Variants in TMEM231 observed in about 807,000 individuals in gnomAD.
The protein encoded by TMEM231 is transmembrane protein 231.
TMEM231 carries 40 observed loss-of-function variants against 38.5 expected under a neutral mutation model. That is an observed-to-expected ratio of 1.04 (90% CI 0.81 to 1.35). TMEM231 has a LOEUF of 1.35. TMEM231 is among the 40% of genes most tolerant of loss of function. TMEM231 has a pLI of 0.00. For synonymous variants in TMEM231, 199 were observed against 181.7 expected (o/e 1.10, Z -0.77); for missense variants, 420 against 416.9 (o/e 1.01, Z -0.07).
At position 75,537,757 on chromosome 16, in the gene TMEM231, T is replaced by C. The variant is rs2080575231; in HGVS notation, c.*2237A>G. 1 of 152,242 alleles carries C rather than the reference T, an allele frequency of 6.6e-6. No individual in the cohort carries two copies. Among genetic ancestry groups the C allele is most frequent in the Non-Finnish European group, 1.5e-5 (1 of 68,050 alleles). 9.4% of individuals were successfully genotyped at this position (152,242 alleles called of 1,614,324 possible). On this transcript the variant is annotated 3_prime_UTR_variant, in exon 7 of 7. Transcript: ENST00000258173. ...ACCTCGGCCTCCCAAAGTGCTGGGA[T>C]TACAGGCGTGAGCCACCGCTCCCGG... is the stretch of plus-strand genomic sequence containing the variant.
In TMEM231 at chr16:75,537,146, G is replaced by C. The variant is rs988492921; in HGVS notation, c.*2848C>G. The stretch of plus-strand genomic sequence containing the variant: ...CAAAAAAAAAAAAAAAAAAGAAAAA[G>C]AAAAAGAAAAGAAAAACCACCTACT... On this transcript the variant is annotated 3_prime_UTR_variant, in exon 7 of 7. Coordinates refer to ENST00000258173, the MANE Select transcript of TMEM231 (RefSeq NM_001077418.3). The C allele has an allele frequency of 6.8e-6, 1 of 146,072 alleles. No individual in the cohort carries two copies. Among genetic ancestry groups the C allele is most frequent in the Non-Finnish European group, 1.5e-5 (1 of 66,338 alleles). 9.0% of individuals were successfully genotyped at this position (146,072 alleles called of 1,614,324 possible). A position where few individuals can be genotyped will look rare whatever the true frequency, so the allele number is the denominator to read the frequency against.
chr16:75,552,960 A>AG (rs111623317), intron 2 of TMEM231, among the ~76,000 whole-genome samples: 1 of 152,144 alleles, frequency 6.6e-6, no homozygotes. Context: ...TTGAGGCTTG[A>AG]GGGGGAAAAA....
At position 75,553,445 on chromosome 16, in the gene TMEM231, CCT is replaced by C. The variant is rs974954815; in HGVS notation, c.309+2357_309+2358del. 2.6e-5 allele frequency among the ~76,000 whole-genome samples: 4 copies of C among 151,532 alleles called. No individual in the cohort carries two copies. The East Asian group carries it at 5.9e-4, about 22-fold the overall frequency. ...ACCAGCCTGGCCAACATGGTGAAAC[CCT>C]GTTTCCACTAAAAAACACAAAAAAG... On this transcript the variant is annotated intron_variant, in intron 2 of 6. Transcript: ENST00000258173.
chr16:75,551,819 G>A (rs902319431), intron 2 of TMEM231, among the ~76,000 whole-genome samples: 7 of 151,754 alleles, frequency 4.6e-5, no homozygotes, highest in East Asian at 2.0e-4. Flanking sequence ...AAAATCAGCC[G>A]GCCGTGGTGG....
chr16:75,541,301 G>T (rs1279704316), intron 6 of TMEM231, 49 bp downstream of exon 6: 1 of 1,417,278 alleles, frequency 7.1e-7, no homozygotes, highest in East Asian at 2.5e-5. Context: ...ATTATAGGCA[G>T]GAGCCACCAC....
At chr16:75,546,513 G>A (rs2738796) in intron 2 of TMEM231, among the ~76,000 whole-genome samples, 37,495 of 151,838 alleles carry the variant, frequency 0.25, 4,751 homozygotes, top group Middle Eastern at 0.33. Context: ...CGCAATCACG[G>A]CTCACTACAA....
chr16:75,540,421 G>A (rs1316188372), intron 6 of TMEM231, among the ~76,000 whole-genome samples: 1 of 152,144 alleles, frequency 6.6e-6, no homozygotes, highest in African/African-American at 2.4e-5. Context: ...ATTGATCATG[G>A]ACTAGAGATA....
chr16:75,539,217 C>T lies in TMEM231; in HGVS notation c.*777G>A, dbSNP rs969484808. On this transcript the variant is annotated 3_prime_UTR_variant, in exon 7 of 7. Transcript: ENST00000258173. ...AAAGAACCTGTTGTGACAATGCTTT[C>T]TTCCCCCAGTGCTGCTGAGGGGGCT... The T allele has an allele frequency of 2.6e-5, 4 of 152,208 alleles. 2 individuals are homozygous for T. The highest frequency in any genetic ancestry group is 2.6e-4 in the Admixed American group (4 of 15,292). 9.4% of individuals were successfully genotyped at this position (152,208 alleles called of 1,614,324 possible). A position where few individuals can be genotyped will look rare whatever the true frequency, so the allele number is the denominator to read the frequency against.
At chr16:75,549,893 G>C (rs367598686) in intron 2 of TMEM231, among the ~76,000 whole-genome samples, 3 of 152,118 alleles carry the variant, frequency 2.0e-5, no homozygotes, top group East Asian at 1.9e-4. Context: ...ATTTTTAGTA[G>C]AGATGGGGTT....
intron 2 of TMEM231, among the ~76,000 whole-genome samples, chr16:75,552,489 G>A (rs1387808531): frequency 6.6e-6 from 1 of 152,050 alleles, no homozygotes; most frequent in African/African-American, 2.4e-5. Context: ...ATTCATAAAA[G>A]AAACTAAAAG....
At chr16:75,550,046 G>C (rs2080739800) in intron 2 of TMEM231, among the ~76,000 whole-genome samples, 1 of 152,172 alleles carries the variant, frequency 6.6e-6, no homozygotes, top group Middle Eastern at 3.2e-3. Context: ...AGTCCCATAG[G>C]TATTAGAGGA....
intron 2 of TMEM231, among the ~76,000 whole-genome samples, chr16:75,550,576 G>A (rs984579642): frequency 3.3e-5 from 5 of 152,182 alleles, no homozygotes; most frequent in African/African-American, 1.2e-4. Context: ...GGAATTGCCA[G>A]AAATTCAAGT....
At chr16:75,541,222 C>T (rs1435468553) in intron 6 of TMEM231, 128 bp downstream of exon 6, 4 of 390,814 alleles carry the variant, frequency 1.0e-5, no homozygotes, top group Non-Finnish European at 1.8e-5. Flanking sequence ...GACTCACTAT[C>T]TTGGCCAGGC....
intron 2 of TMEM231, 98 bp downstream of exon 2, chr16:75,555,706 C>A: frequency 3.9e-6 from 5 of 1,289,984 alleles, no homozygotes; most frequent in Non-Finnish European, 5.1e-6. Context: ...CAAAGCTGGG[C>A]TCCCCAGGGC....
intron 5 of TMEM231, 121 bp downstream of exon 5, chr16:75,542,481 G>A (rs1198017630): frequency 1.5e-5 from 14 of 918,996 alleles, no homozygotes; most frequent in Middle Eastern, 2.7e-4. Context: ...TGCTCCCATC[G>A]TTGAGCATTC....
intron 4 of TMEM231, among the ~76,000 whole-genome samples, chr16:75,544,361 C>T (rs1366287715): frequency 1.3e-5 from 2 of 152,162 alleles, no homozygotes; most frequent in African/African-American, 4.8e-5. Flanking sequence ...GAACAGGGAC[C>T]TGAATGGCAT....
At chr16:75,553,751 G>A (rs377613216) in intron 2 of TMEM231, among the ~76,000 whole-genome samples, 7 of 151,788 alleles carry the variant, frequency 4.6e-5, no homozygotes, top group East Asian at 3.9e-4. Flanking sequence ...TTGAACTCCT[G>A]GGCTCAAGCA....
intron 2 of TMEM231, among the ~76,000 whole-genome samples, chr16:75,547,233 A>G (rs1452710895): frequency 6.6e-6 from 1 of 152,162 alleles, no homozygotes. Flanking sequence ...CCATCTATGG[A>G]TTCATTTTGA....
Position 75,536,741 on chromosome 16 carries a change from T to C in TMEM231, c.*3253A>G, listed in dbSNP as rs372983585. ...TCTTAAGGAAATAAACCAGCAACAA[T>C]GATTTCTACACAAGGTTTATAAAAG... is the stretch of plus-strand genomic sequence containing the variant. On this transcript the variant is annotated 3_prime_UTR_variant, in exon 7 of 7. Coordinates refer to ENST00000258173, the MANE Select transcript of TMEM231 (RefSeq NM_001077418.3). 6.6e-6 allele frequency: 1 copy of C among 152,146 alleles called. No individual in the cohort carries two copies. The highest frequency in any genetic ancestry group is 2.4e-5 in the African/African-American group (1 of 41,420). 9.4% of individuals were successfully genotyped at this position (152,146 alleles called of 1,614,324 possible).
Sources: gnomAD v4.1 joint callset for allele counts (sites outside exome capture counted in the v4.1 genomes callset) on GRCh38, gnomAD v4.1.1 for gene constraint, MANE v1.5 for transcripts, NCBI Gene and HGNC (gene_info 2026-07-23, HGNC 2026-07-21) for gene names.